The following STK33 variants were observed in gnomAD, a reference collection of about 807,000 sequenced individuals.
The protein encoded by STK33 is serine/threonine kinase 33, also known as serine/threonine-protein kinase 33.
In STK33, 52 loss-of-function variants were observed where a neutral mutation model predicts 58.0. That is an observed-to-expected ratio of 0.90 (90% CI 0.72 to 1.13). The LOEUF is 1.13. STK33 is among the 50% of genes most tolerant of loss of function. The pLI, the probability that STK33 is intolerant of heterozygous loss-of-function variation, is 0.00. For synonymous variants in STK33, 215 were observed against 200.1 expected, an observed-to-expected ratio of 1.07 and a Z score of -0.63; for missense variants, 630 against 604.2, an observed-to-expected ratio of 1.04 and a Z score of -0.45.
At chr11:8,429,046 T>C (rs1165916862) in intron 14 of STK33, among the ~76,000 whole-genome samples, 1 of 152,096 alleles carries the variant, frequency 6.6e-6, no homozygotes. Flanking sequence ...TACATTAGGA[T>C]AAAATTCTGT....
chr11:8,436,945 G>A (rs1591045264), intron 12 of STK33, among the ~76,000 whole-genome samples: 1 of 152,176 alleles, frequency 6.6e-6, no homozygotes, highest in East Asian at 1.9e-4. Context: ...TTATCCACCT[G>A]CCTTGGCCTC....
At chr11:8,453,735 C>A (rs1946545828) in intron 10 of STK33, among the ~76,000 whole-genome samples, 1 of 152,156 alleles carries the variant, frequency 6.6e-6, no homozygotes, top group Non-Finnish European at 1.5e-5. Context: ...TGTCCAGAGA[C>A]AATGAATGCA....
intron 1 of STK33, among the ~76,000 whole-genome samples, chr11:8,592,363 A>G (rs1475405638): frequency 6.6e-6 from 1 of 152,262 alleles, no homozygotes; most frequent in Non-Finnish European, 1.5e-5. Context: ...GCTAATAGCT[A>G]ACAATAAGAT....
intron 1 of STK33, among the ~76,000 whole-genome samples, chr11:8,481,464 T>A (rs1409392787): frequency 6.6e-6 from 1 of 152,248 alleles, no homozygotes; most frequent in Non-Finnish European, 1.5e-5. Context: ...AGTCATTAAC[T>A]GATTGATGGA....
intron 4 of STK33, 96 bp from the exon 5 acceptor site, chr11:8,475,162 C>T (rs1456241992): frequency 1.1e-5 from 4 of 364,082 alleles, no homozygotes; most frequent in Non-Finnish European, 1.5e-5. Context: ...TAGAAGCATC[C>T]TGTATAGACA....
At chr11:8,444,989 G>A (rs544328001) in intron 11 of STK33, among the ~76,000 whole-genome samples, 4 of 152,224 alleles carry the variant, frequency 2.6e-5, no homozygotes, top group African/African-American at 7.2e-5. Flanking sequence ...ACACTATGGC[G>A]ATTTTCATGA....
intron 1 of STK33, among the ~76,000 whole-genome samples, chr11:8,516,748 C>T (rs1048812150): frequency 1.3e-5 from 2 of 152,206 alleles, no homozygotes; most frequent in Non-Finnish European, 2.9e-5. Context: ...GCACAGTGGT[C>T]TGAGATTGAA....
At chr11:8,423,860 A>C (rs887169269) in intron 14 of STK33, among the ~76,000 whole-genome samples, 1 of 152,072 alleles carries the variant, frequency 6.6e-6, no homozygotes, top group African/African-American at 2.4e-5. Flanking sequence ...TTTTTGATAT[A>C]TATTTAAGGT....
intron 1 of STK33, among the ~76,000 whole-genome samples, chr11:8,583,155 T>C (rs1208889475): frequency 1.3e-5 from 2 of 152,192 alleles, no homozygotes; most frequent in Non-Finnish European, 2.9e-5. Flanking sequence ...GTCTAGTCCT[T>C]CTTTAACAGG....
chr11:8,418,287 T>C (rs1419912951), intron 14 of STK33, among the ~76,000 whole-genome samples: 5 of 152,102 alleles, frequency 3.3e-5, no homozygotes, highest in Admixed American at 3.3e-4. Context: ...TTCCCCTCTT[T>C]GTGTCCATGA....
At chr11:8,339,685 G>A in the STK33 span, among the ~76,000 whole-genome samples, 3 of 152,252 alleles carry the variant, frequency 2.0e-5, no homozygotes, top group Non-Finnish European at 4.4e-5. Flanking sequence ...CTCTACAGCG[G>A]GGGCTGCAAG....
At chr11:8,398,903 AC>A (rs897360872) in intron 15 of STK33, among the ~76,000 whole-genome samples, 2 of 152,214 alleles carry the variant, frequency 1.3e-5, no homozygotes, top group Non-Finnish European at 2.9e-5. Flanking sequence ...GATCAATTCA[AC>A]AAGAAGAGCT....
chr11:8,499,110 C>T (rs540583636), intron 1 of STK33, among the ~76,000 whole-genome samples: 7 of 152,190 alleles, frequency 4.6e-5, no homozygotes, highest in African/African-American at 1.2e-4. Flanking sequence ...AGAGCTTCTG[C>T]ACAGCAAAAG....
the STK33 span, among the ~76,000 whole-genome samples, chr11:8,358,852 A>C: frequency 3.9e-5 from 6 of 152,352 alleles, no homozygotes; most frequent in African/African-American, 1.4e-4. Flanking sequence ...ATAGTTATTA[A>C]TTACAAACAG....
At chr11:8,381,025 A>G in the STK33 span, among the ~76,000 whole-genome samples, 1 of 152,204 alleles carries the variant, frequency 6.6e-6, no homozygotes, top group African/African-American at 2.4e-5. Flanking sequence ...TGGAAAATCA[A>G]ATACCCTATG....
Position 8,464,725 on chromosome 11 carries a change from T to G in STK33, c.437A>C (p.Lys146Thr). ...KETETKWAIK[K>T]VNKEKAGSSA... is the part of the protein sequence containing the mutation. ...GAGCCTTACCTTTTCTTTGTTCACT[T>G]TTTTAATTGCCCACTTCGTTTCTGT... Residue 146 changes from lysine (K) to threonine (T), a missense_variant, in exon 7 of 16, where the codon AAA (lysine) becomes ACA (threonine). By Grantham distance (78) the Lys-to-Thr change is moderately conservative. Coordinates refer to ENST00000687296, the MANE Select transcript of STK33 (RefSeq NM_001352389.2). 6.2e-7 allele frequency: 1 copy of G among 1,613,550 alleles called. No homozygotes were observed. Among genetic ancestry groups the G allele is most frequent in the Non-Finnish European group, 8.5e-7 (1 of 1,179,520 alleles).
chr11:8,348,188 T>C, the STK33 span, among the ~76,000 whole-genome samples: 1 of 152,248 alleles, frequency 6.6e-6, no homozygotes, highest in Non-Finnish European at 1.5e-5. Flanking sequence ...TTCCTCTTCC[T>C]GCAAGGGGGA....
chr11:8,392,880 T>C (rs1474848728), intron 15 of STK33, among the ~76,000 whole-genome samples, 170 bp from the exon 16 acceptor site: 1 of 152,244 alleles, frequency 6.6e-6, no homozygotes, highest in East Asian at 1.9e-4. Context: ...AAGATCCTTT[T>C]GCACCTTTAA....
chr11:8,504,640 A>T (rs986937607), intron 1 of STK33, among the ~76,000 whole-genome samples: 1 of 151,976 alleles, frequency 6.6e-6, no homozygotes, highest in African/African-American at 2.4e-5. Context: ...TAAAAAATAA[A>T]AATAAAAAAT....
Sources: allele counts gnomAD v4.1 joint callset (sites outside exome capture counted in the v4.1 genomes callset), GRCh38; gene constraint gnomAD v4.1.1; transcripts MANE v1.5; gene names NCBI Gene and HGNC (gene_info 2026-07-23, HGNC 2026-07-21).